The following DNAJC5 variants were observed in gnomAD, a reference collection of about 807,000 sequenced individuals.
The protein encoded by DNAJC5 is dnaJ homolog subfamily C member 5.
In DNAJC5, 1 loss-of-function variant was observed where a neutral mutation model predicts 23.2. The ratio of observed to expected loss-of-function variants is 0.04; its 90% CI spans 0.02 to 0.20. The LOEUF is 0.20. Ranked by LOEUF, DNAJC5 falls within the 10% of genes least tolerant of loss-of-function variation. DNAJC5 has a pLI of 1.00. For missense variants in DNAJC5, 180 were observed against 267.0 expected (o/e 0.67, Z 2.27); for synonymous variants, 136 against 120.0 (o/e 1.13, Z -0.87).
chr20:63,925,419 A>C (rs1182517940), intron 1 of DNAJC5, among the ~76,000 whole-genome samples: 1 of 152,124 alleles, frequency 6.6e-6, no homozygotes, highest in African/African-American at 2.4e-5. Flanking sequence ...GGAGGCAGAG[A>C]TTGCAGTGAA....
chr20:63,904,880 T>G (rs185361685), intron 1 of DNAJC5, among the ~76,000 whole-genome samples: 106 of 152,208 alleles, frequency 7.0e-4, no homozygotes, highest in African/African-American at 1.9e-3. Flanking sequence ...CTCGGCTCAC[T>G]GCAACCTCTG....
Position 63,935,205 on chromosome 20 carries a change from A to G in DNAJC5, c.*3637A>G, listed in dbSNP as rs1265248094. The G allele has an allele frequency of 2.6e-5, 4 of 152,218 alleles. No homozygotes were observed. The highest frequency in any genetic ancestry group is 9.7e-5 in the African/African-American group (4 of 41,444). 9.4% of individuals were successfully genotyped at this position (152,218 alleles called of 1,614,324 possible). A position where few individuals can be genotyped will look rare whatever the true frequency, so the allele number is the denominator to read the frequency against. On this transcript the variant is annotated 3_prime_UTR_variant, in exon 5 of 5. Coordinates refer to ENST00000360864, the MANE Select transcript of DNAJC5 (RefSeq NM_025219.3). ...TGTGTCCGTGTGTGTACATATGTGTATATGTATATATCACGCAGCAGGAGT... is the reference window on the plus strand; with the variant it reads ...TGTGTCCGTGTGTGTACATATGTGTGTATGTATATATCACGCAGCAGGAGT...
chr20:63,917,857 G>A (rs1306171705), intron 1 of DNAJC5, among the ~76,000 whole-genome samples: 1 of 152,198 alleles, frequency 6.6e-6, no homozygotes, highest in Admixed American at 6.5e-5. Context: ...TGATAGGTGT[G>A]TACCTAGTAG....
At chr20:63,922,553 C>G (rs2053581698) in intron 1 of DNAJC5, among the ~76,000 whole-genome samples, 1 of 151,734 alleles carries the variant, frequency 6.6e-6, no homozygotes, top group African/African-American at 2.4e-5. Flanking sequence ...AGGAGGATCA[C>G]TTGAGCCAAG....
chr20:63,910,669 A>ACGTT (rs1275336804), intron 1 of DNAJC5, among the ~76,000 whole-genome samples: 1 of 115,650 alleles, frequency 8.6e-6, no homozygotes, highest in African/African-American at 3.8e-5. Flanking sequence ...GGTTTTGAGA[A>ACGTT]TGTTTTTTTT....
chr20:63,902,165 C>T (rs572513872), intron 1 of DNAJC5, among the ~76,000 whole-genome samples: 1 of 152,084 alleles, frequency 6.6e-6, no homozygotes, highest in East Asian at 1.9e-4. Flanking sequence ...CGCCATTCCC[C>T]TGCCTCAGCC....
Position 63,929,186 on chromosome 20 carries a change from G to A in DNAJC5, c.108-126G>A, listed in dbSNP as rs979718515. Reference sequence around the variant, plus strand: ...CCCTGCAGCCCTGGAGAGTCGGACAGTGAGGTGGCCTGGGTGGACCTGCCT... The same window carrying A: ...CCCTGCAGCCCTGGAGAGTCGGACAATGAGGTGGCCTGGGTGGACCTGCCT... On this transcript the variant is annotated intron_variant, in intron 2 of 4. Coordinates refer to ENST00000360864, the MANE Select transcript of DNAJC5 (RefSeq NM_025219.3). This position sits in a 1 kb window ranked among gnomAD's most constrained non-coding sequence, Gnocchi z 8.6. 1.8e-6 allele frequency: 2 copies of A among 1,124,374 alleles called. No individual in the cohort carries two copies. The highest frequency in any genetic ancestry group is 1.3e-6 in the Non-Finnish European group (1 of 762,746). The allele number at this position is 1,124,374 out of a possible 1,614,324, so 69.6% of individuals were successfully genotyped here.
chr20:63,899,707 G>T (rs2053397652), intron 1 of DNAJC5, among the ~76,000 whole-genome samples: 1 of 151,836 alleles, frequency 6.6e-6, no homozygotes, highest in Admixed American at 6.6e-5. Context: ...TCAGCCTCCC[G>T]AGTAGCTGGG....
intron 1 of DNAJC5, among the ~76,000 whole-genome samples, chr20:63,925,674 C>G (rs936485303): frequency 5.3e-5 from 8 of 150,468 alleles, no homozygotes; most frequent in Non-Finnish European, 8.9e-5. Flanking sequence ...CCCCATCTGC[C>G]TGGCATTCAG....
rs2053698447 is a variant in DNAJC5 at position 63,934,244 on chromosome 20, T to G, written c.*2676T>G. ...TCTTGAGTGGACTGTTTCCCTATAATTAAAAGAGGTGGTGAGTCCTGGGGC... is the reference window on the plus strand; with the variant it reads ...TCTTGAGTGGACTGTTTCCCTATAAGTAAAAGAGGTGGTGAGTCCTGGGGC... On this transcript the variant is annotated 3_prime_UTR_variant, in exon 5 of 5. Coordinates refer to ENST00000360864, the MANE Select transcript of DNAJC5 (RefSeq NM_025219.3). 1 of 152,250 alleles carries G rather than the reference T, an allele frequency of 6.6e-6. No homozygotes were observed. The highest frequency in any genetic ancestry group is 1.5e-5 in the Non-Finnish European group (1 of 68,054). 9.4% of individuals were successfully genotyped at this position (152,250 alleles called of 1,614,324 possible).
rs553743982 is a variant in DNAJC5 at position 63,929,689 on chromosome 20, A to G, written c.321+164A>G. On this transcript the variant is annotated intron_variant, in intron 3 of 4. Transcript: ENST00000360864. This position sits in a 1 kb window ranked among gnomAD's most constrained non-coding sequence, Gnocchi z 8.6. ...GTCTCTCCTGCCGTGCGGGCACCCG[A>G]GTCACTCCTGCCGTGCGGGCGCCCG... 6.7e-4 allele frequency among the ~76,000 whole-genome samples: 96 copies of G among 143,234 alleles called. 6 individuals carry two copies. In the South Asian group the frequency reaches 0.016, roughly 25 times the overall value. The allele number at this position is 143,234 out of a possible 152,430, so 94.0% of individuals were successfully genotyped here.
In DNAJC5 at chr20:63,931,448, G is replaced by A. The variant is rs1433329405; in HGVS notation, c.494-17G>A. ...GGCTGTGGCCCTCGTGCAGTGCCCT[G>A]TGTGCTTGCTTTTCAGAGGCCACAG... On this transcript the variant is annotated splice_polypyrimidine_tract_variant and intron_variant, in intron 4 of 4. Transcript: ENST00000360864. This position sits in a 1 kb window ranked among gnomAD's most constrained non-coding sequence, Gnocchi z 9.6. 10 of 1,542,844 alleles carry A rather than the reference G, an allele frequency of 6.5e-6. No homozygotes were observed. In the Middle Eastern group the frequency reaches 6.8e-4, roughly 105 times the overall value.
In DNAJC5 at chr20:63,902,675, GTTT is replaced by G. The variant is rs35872737; in HGVS notation, c.-12+7368_-12+7370del. On this transcript the variant is annotated intron_variant, in intron 1 of 4. Coordinates refer to ENST00000360864, the MANE Select transcript of DNAJC5 (RefSeq NM_025219.3). ...GAGCCAACGCACCTGGCCTCATCTT[GTTT>G]TTTTTTTTTTTTTTTGAGACAGAGT... Among the ~76,000 whole-genome samples, 49 of 108,148 alleles carry G rather than the reference GTTT, an allele frequency of 4.5e-4. 1 individual carries two copies. The highest frequency in any genetic ancestry group is 9.1e-3 in the Middle Eastern group (1 of 110). 70.9% of individuals were successfully genotyped at this position (108,148 alleles called of 152,430 possible).
chr20:63,912,294 A>C (rs1433572579), intron 1 of DNAJC5, among the ~76,000 whole-genome samples: 5 of 150,040 alleles, frequency 3.3e-5, no homozygotes, highest in African/African-American at 1.2e-4. Flanking sequence ...CAGAGTGAGA[A>C]TCGGTCTCCA....
chr20:63,921,260 C>T (rs578159705), intron 1 of DNAJC5, among the ~76,000 whole-genome samples: 36 of 152,206 alleles, frequency 2.4e-4, no homozygotes, highest in African/African-American at 8.4e-4. Flanking sequence ...TGCCCGGCCA[C>T]CTTGTTTGCT....
intron 1 of DNAJC5, among the ~76,000 whole-genome samples, chr20:63,899,841 A>T (rs905455054): frequency 1.3e-5 from 2 of 150,088 alleles, no homozygotes; most frequent in East Asian, 3.9e-4. Flanking sequence ...TTGGCCTCCC[A>T]AAGTGCTGGG....
At chr20:63,917,344 T>A (rs147722544) in intron 1 of DNAJC5, among the ~76,000 whole-genome samples, 32 of 152,182 alleles carry the variant, frequency 2.1e-4, no homozygotes, top group African/African-American at 7.7e-4. Context: ...AGCCGCCGCC[T>A]CCTGGGTTCA....
chr20:63,925,541 A>G (rs1049778465), intron 1 of DNAJC5, among the ~76,000 whole-genome samples: 4 of 151,974 alleles, frequency 2.6e-5, no homozygotes, highest in Admixed American at 1.3e-4. Context: ...ATGGGGATCA[A>G]TCAGAGGAAA....
chr20:63,896,702 G>A lies in DNAJC5; in HGVS notation c.-12+1379G>A, dbSNP rs191187659. Among the ~76,000 whole-genome samples, 5 of 152,238 alleles carry A rather than the reference G, an allele frequency of 3.3e-5. No individual in the cohort carries two copies. In the East Asian group the frequency reaches 5.8e-4, roughly 18 times the overall value. Reference sequence around the variant, plus strand: ...CTTCCTCGCTTAATTTTCCCACAGCGCTGAATCCTCCTAGTGTCCTGCTTA... The same window carrying A: ...CTTCCTCGCTTAATTTTCCCACAGCACTGAATCCTCCTAGTGTCCTGCTTA... On this transcript the variant is annotated intron_variant, in intron 1 of 4. Transcript: ENST00000360864.
Sources: gnomAD v4.1 joint callset for allele counts (sites outside exome capture counted in the v4.1 genomes callset) on GRCh38, gnomAD v4.1.1 for gene constraint, Gnocchi (gnomAD v3.1) non-coding constraint, MANE v1.5 for transcripts, NCBI Gene and HGNC (gene_info 2026-07-23, HGNC 2026-07-21) for gene names.